Variants in PCDHGA6 observed in about 807,000 individuals in gnomAD.
PCDHGA6 encodes the protein protocadherin gamma subfamily A, 6.
A neutral mutation model predicts 60.6 loss-of-function variants in PCDHGA6; 41 were observed. The ratio of observed to expected loss-of-function variants is 0.68; its 90% confidence interval spans 0.53 to 0.88. PCDHGA6 has a LOEUF of 0.88. PCDHGA6 is among the 40% of genes least tolerant of loss of function. PCDHGA6 has a pLI of 0.00. For missense variants in PCDHGA6, 1,312 were observed against 1,203.0 expected, an observed-to-expected ratio of 1.09 and a Z score of -1.34; for synonymous variants, 594 against 524.4, an observed-to-expected ratio of 1.13 and a Z score of -1.81.
chr5:141,390,728 G>A (rs550991911), intron 1 of PCDHGA6: 12 of 194,328 alleles, frequency 6.2e-5, no homozygotes, highest in Admixed American at 2.2e-4. Context: ...AATTTAACTG[G>A]TATGGTCTCC....
Position 141,477,833 on chromosome 5 carries a change from G to C in PCDHGA6, c.2425-16974G>C. Reference sequence around the variant, plus strand: ...CCCCCAGGTCCTATATCCTCGGCCAGGTGGGAGCTCGGTGGAGATGCTGCC... The same window carrying C: ...CCCCCAGGTCCTATATCCTCGGCCACGTGGGAGCTCGGTGGAGATGCTGCC... On this transcript the variant is annotated intron_variant, in intron 1 of 3. Transcript: ENST00000517434. This position sits in a 1 kb window ranked among gnomAD's most constrained non-coding sequence, Gnocchi z 4.9. The C allele has an allele frequency of 6.2e-7, 1 of 1,614,174 alleles. No individual in the cohort carries two copies.
rs556217163 is a variant in PCDHGA6, at chr5:141,433,697, C to T, written c.2424+57190C>T. Among the ~76,000 whole-genome samples the T allele has an allele frequency of 6.0e-4, 91 of 152,138 alleles. 1 individual carries two copies. Among genetic ancestry groups the T allele is most frequent in the African/African-American group, 2.0e-3 (85 of 41,536 alleles). ...CTAAAAAAATACAAAATTAGCCGGGCGTGGTGGTGCATGTCTGTAATCCCA... is the reference window on the plus strand; with the variant it reads ...CTAAAAAAATACAAAATTAGCCGGGTGTGGTGGTGCATGTCTGTAATCCCA... On this transcript the variant is annotated intron_variant, in intron 1 of 3. Coordinates refer to ENST00000517434, the MANE Select transcript of PCDHGA6 (RefSeq NM_018919.3).
rs888836155 is a variant in PCDHGA6, at chr5:141,512,011, A to C, written c.*838A>C. The C allele has an allele frequency of 1.3e-5, 2 of 152,946 alleles. No homozygotes were observed. The highest frequency in any genetic ancestry group is 6.5e-5 in the Admixed American group (1 of 15,300). The allele number at this position is 152,946 out of a possible 1,614,324, so 9.5% of individuals were successfully genotyped here. ...GGCATGGACAAAGCTTGACACATCA[A>C]GTTATCAAGGCCTTGGAGGAGGCTC... On this transcript the variant is annotated 3_prime_UTR_variant, in exon 4 of 4. Coordinates refer to ENST00000517434, the MANE Select transcript of PCDHGA6 (RefSeq NM_018919.3).
At chr5:141,405,881 T>C (rs998587989) in intron 1 of PCDHGA6, among the ~76,000 whole-genome samples, 4 of 152,210 alleles carry the variant, frequency 2.6e-5, no homozygotes, top group Admixed American at 2.6e-4. Flanking sequence ...GGCCTAATTG[T>C]TGCTCCAACA....
intron 1 of PCDHGA6, among the ~76,000 whole-genome samples, chr5:141,469,436 G>T (rs556417221): frequency 6.6e-6 from 1 of 152,002 alleles, no homozygotes; most frequent in Non-Finnish European, 1.5e-5. Flanking sequence ...TTAGCTGGGC[G>T]TGGTGGTGCA....
chr5:141,457,680 G>A lies in PCDHGA6; in HGVS notation c.2425-37127G>A, dbSNP rs866876250. 2.6e-5 allele frequency among the ~76,000 whole-genome samples: 4 copies of A among 152,290 alleles called. No individual in the cohort carries two copies. The South Asian group carries it at 8.3e-4, about 32-fold the overall frequency. On this transcript the variant is annotated intron_variant, in intron 1 of 3. Coordinates refer to ENST00000517434, the MANE Select transcript of PCDHGA6 (RefSeq NM_018919.3). The stretch of plus-strand genomic sequence containing the variant: ...AGCAAGAATGGTTATTTCTACATAG[G>A]ACTTTTGGATTGGCTTTGATGAAAC...
intron 1 of PCDHGA6, among the ~76,000 whole-genome samples, chr5:141,484,281 C>T (rs969039536): frequency 6.6e-6 from 1 of 152,202 alleles, no homozygotes; most frequent in Admixed American, 6.5e-5. Context: ...TGTTTTGAAA[C>T]ATCTCCCTCT....
intron 1 of PCDHGA6, chr5:141,397,890 A>G: frequency 3.2e-6 from 2 of 628,782 alleles, no homozygotes; most frequent in Non-Finnish European, 5.3e-6. Context: ...GCTGTTGGCC[A>G]AAGTGCAGAG....
chr5:141,388,583 T>G, intron 1 of PCDHGA6: 1 of 1,613,894 alleles, frequency 6.2e-7, no homozygotes, highest in Non-Finnish European at 8.5e-7. Flanking sequence ...TTCTAGTGAC[T>G]GATGCCAATG....
intron 1 of PCDHGA6, chr5:141,441,669 T>C: frequency 3.5e-6 from 1 of 287,870 alleles, no homozygotes; most frequent in Non-Finnish European, 6.8e-6. Context: ...GAGCGCACAG[T>C]GCGCCTTCGA....
At chr5:141,504,511 CTCTGATAT>C (rs2099838890) in intron 2 of PCDHGA6, among the ~76,000 whole-genome samples, 1 of 151,902 alleles carries the variant, frequency 6.6e-6, no homozygotes, top group Non-Finnish European at 1.5e-5. Flanking sequence ...AGTGGATCTC[CTCTGATAT>C]ATTTTATTCG....
At chr5:141,448,921 G>A (rs1323304761) in intron 1 of PCDHGA6, among the ~76,000 whole-genome samples, 3 of 152,120 alleles carry the variant, frequency 2.0e-5, no homozygotes, top group Admixed American at 1.3e-4. Flanking sequence ...CTCCAGCCTG[G>A]GCGACAGAGC....
rs778209794 is a variant in PCDHGA6 at position 141,408,298 on chromosome 5, G to C, written c.2424+31791G>C. The C allele has an allele frequency of 4.3e-6, 7 of 1,613,586 alleles. No homozygotes were observed. The Admixed American group carries it at 5.0e-5, about 12-fold the overall frequency. ...TGTTCTACCCCACCCTGAGTGAGCCGATCCGCTACTCGATTCCGGAGGAGC... is the reference window on the plus strand; with the variant it reads ...TGTTCTACCCCACCCTGAGTGAGCCCATCCGCTACTCGATTCCGGAGGAGC... On this transcript the variant is annotated intron_variant, in intron 1 of 3. Coordinates refer to ENST00000517434, the MANE Select transcript of PCDHGA6 (RefSeq NM_018919.3).
chr5:141,487,920 C>G lies in PCDHGA6; in HGVS notation c.2425-6887C>G, dbSNP rs561819225. On this transcript the variant is annotated intron_variant, in intron 1 of 3. Coordinates refer to ENST00000517434, the MANE Select transcript of PCDHGA6 (RefSeq NM_018919.3). This position sits in a 1 kb window ranked among gnomAD's most constrained non-coding sequence, Gnocchi z 5.0. ...TGGAATGTGGGAGCACAGGAGGCTA[C>G]AGTGCACAGGGTACAGTGCACCAGG... The G allele has an allele frequency of 4.7e-6, 3 of 644,662 alleles. No individual in the cohort carries two copies. The Admixed American group carries it at 8.5e-5, about 18-fold the overall frequency. 39.9% of individuals were successfully genotyped at this position (644,662 alleles called of 1,614,324 possible).
intron 1 of PCDHGA6, chr5:141,423,123 A>G: frequency 1.2e-6 from 2 of 1,613,766 alleles, no homozygotes; most frequent in Non-Finnish European, 1.7e-6. Flanking sequence ...CAGCGCGGGC[A>G]CTGCTGGACA....
In PCDHGA6 at chr5:141,509,418, A is replaced by G. The variant is rs767758113; in HGVS notation, c.2573-1529A>G. Among the ~76,000 whole-genome samples the G allele has an allele frequency of 2.6e-5, 4 of 152,188 alleles. No individual in the cohort carries two copies. The South Asian group carries it at 6.2e-4, about 24-fold the overall frequency. ...TCAGGGCCTCCAGCAGCGAGCCCCA[A>G]TGAGTCAAACTCTTGTTTCCTCCTC... On this transcript the variant is annotated intron_variant, in intron 3 of 3. Transcript: ENST00000517434.
chr5:141,378,136 C>T (rs1774655700), intron 1 of PCDHGA6: 1 of 152,158 alleles, frequency 6.6e-6, no homozygotes, highest in Admixed American at 6.5e-5. Context: ...TTGACATCAC[C>T]ATTATTATAA....
At chr5:141,461,507 T>C (rs1271911872) in intron 1 of PCDHGA6, among the ~76,000 whole-genome samples, 1 of 152,316 alleles carries the variant, frequency 6.6e-6, no homozygotes, top group East Asian at 1.9e-4. Context: ...TTCTTGGTGA[T>C]TTGTTAGTTC....
chr5:141,383,899 C>G (rs560928380), intron 1 of PCDHGA6: 10 of 1,613,958 alleles, frequency 6.2e-6, no homozygotes, highest in South Asian at 1.1e-5. Context: ...GGCAAAAGTA[C>G]TGATCACAGT....
Sources: allele counts gnomAD v4.1 joint callset (sites outside exome capture counted in the v4.1 genomes callset), GRCh38; gene constraint gnomAD v4.1.1; non-coding constraint Gnocchi (gnomAD v3.1); transcripts MANE v1.5; gene names NCBI Gene and HGNC (gene_info 2026-07-23, HGNC 2026-07-21).